CLUH: variants seen among roughly 807,000 people sequenced by gnomAD.
CLUH encodes clustered mitochondria protein homolog.
Under a neutral mutation model 139.3 loss-of-function variants are expected in CLUH, and 77 were observed. That is an observed-to-expected ratio of 0.55 (90% confidence interval 0.46 to 0.67). The LOEUF (loss-of-function observed/expected upper bound fraction) is 0.67. CLUH is among the 30% of genes least tolerant of loss of function. The pLI, the probability that CLUH is intolerant of heterozygous loss-of-function variation, is 0.00. For missense variants in CLUH, 1,876 were observed against 1,875.8 expected (o/e 1.00, Z 0.00); for synonymous variants, 999 against 801.6 (o/e 1.25, Z -4.16).
intron 25 of CLUH, among the ~76,000 whole-genome samples, chr17:2,691,288 G>A (rs1347299612): frequency 6.6e-6 from 1 of 151,860 alleles, no homozygotes; most frequent in African/African-American, 2.4e-5. Flanking sequence ...GGCGGGCCGG[G>A]CGCGATGGCT....
At chr17:2,693,141 C>CAATAAAAAAAAAAAAAA (rs1555529823) in intron 19 of CLUH, among the ~76,000 whole-genome samples, 2 of 73,788 alleles carry the variant, frequency 2.7e-5, no homozygotes, top group Non-Finnish European at 4.6e-5. Flanking sequence ...AAAAATGTTA[C>CAATAAAAAAAAAAAAAA]AAAAAAAAAA....
At position 2,700,483 on chromosome 17, in the gene CLUH, A is replaced by C. The variant is rs2070137897; in HGVS notation, c.1174-9T>G. On this transcript the variant is annotated splice_polypyrimidine_tract_variant and intron_variant, in intron 8 of 25. Coordinates refer to ENST00000651024, the MANE Select transcript of CLUH (RefSeq NM_001366661.1). ...TCATTCCAGTCTCGGGTCTGCAGAG[A>C]GATCAGGGAGGGAAAAACGAGCTCA... 1 of 1,608,658 alleles carries C rather than the reference A, an allele frequency of 6.2e-7. No individual in the cohort carries two copies. The highest frequency in any genetic ancestry group is 1.7e-5 in the Admixed American group (1 of 59,584).
chr17:2,689,702 T>C lies in CLUH; in HGVS notation c.*892A>G, dbSNP rs1257450895. On this transcript the variant is annotated 3_prime_UTR_variant, in exon 26 of 26. Transcript: ENST00000651024. ...GCCCCCGCCACCCCCAGAGCTAGTC[T>C]CAGACCAGGAAGGGAGCTGGGCACC... is the stretch of plus-strand genomic sequence containing the variant. The C allele has an allele frequency of 6.6e-6, 1 of 152,412 alleles. No homozygotes were observed. Among genetic ancestry groups the C allele is most frequent in the African/African-American group, 2.4e-5 (1 of 41,336 alleles). The allele number at this position is 152,412 out of a possible 1,614,324, so 9.4% of individuals were successfully genotyped here.
chr17:2,693,492 G>C (rs985909306), intron 19 of CLUH, among the ~76,000 whole-genome samples: 1 of 150,698 alleles, frequency 6.6e-6, no homozygotes, highest in African/African-American at 2.4e-5. Context: ...TGCTAACCCT[G>C]AAACAGCCCT....
At chr17:2,694,753 C>G in intron 16 of CLUH, 104 bp downstream of exon 16, 3 of 1,418,776 alleles carry the variant, frequency 2.1e-6, no homozygotes, top group Non-Finnish European at 2.8e-6. Flanking sequence ...TTCTCTCTGA[C>G]TCCCTGGCCT....
rs886457682 is a variant in CLUH at position 2,703,781 on chromosome 17, A to G, written c.304-292T>C. 2.0e-5 allele frequency among the ~76,000 whole-genome samples: 3 copies of G among 151,898 alleles called. No individual in the cohort carries two copies. Among genetic ancestry groups the G allele is most frequent in the Non-Finnish European group, 4.4e-5 (3 of 67,968 alleles). ...GACCCAGAGCAATGCCCGAGCAGAG[A>G]AGGGAGATGAAGAACAGCGGGACAG... On this transcript the variant is annotated intron_variant, in intron 2 of 25. Transcript: ENST00000651024. This position sits in a 1 kb window ranked among gnomAD's most constrained non-coding sequence, Gnocchi z 4.2.
chr17:2,693,036 G>A (rs1490518997), intron 19 of CLUH, 176 bp from the exon 20 acceptor site: 2 of 498,154 alleles, frequency 4.0e-6, no homozygotes, highest in East Asian at 3.3e-5. Flanking sequence ...GCCACACCTT[G>A]AAGGGCAGGT....
chr17:2,696,769 A>G lies in CLUH; in HGVS notation c.2135T>C (p.Leu712Pro). ...SEEEGSSASG[L>P]AKVKELAETI... is the part of the protein sequence containing the mutation. Reference sequence around the variant, plus strand: ...CTCTGCCAGCTCCTTCACCTTGGCCAGGCCGCTGGCGCTGCTACCCTCCTC... The same window carrying G: ...CTCTGCCAGCTCCTTCACCTTGGCCGGGCCGCTGGCGCTGCTACCCTCCTC... Residue 712 changes from leucine to proline, a missense_variant, in exon 11 of 26, where the codon CTG becomes CCG. By Grantham distance (98) the Leu-to-Pro change is moderately conservative (BLOSUM62 -3). This residue lies in a region of CLUH where 1,454 missense variants were observed against 1,384.4 expected (regional missense o/e 1.05). Transcript: ENST00000651024. 6.2e-7 allele frequency: 1 copy of G among 1,612,800 alleles called. No homozygotes were observed. Among genetic ancestry groups the G allele is most frequent in the Middle Eastern group, 1.9e-4 (1 of 5,398 alleles).
intron 9 of CLUH, 24 bp downstream of exon 9, chr17:2,700,358 C>G (rs2070130652): frequency 6.2e-7 from 1 of 1,601,070 alleles, no homozygotes; most frequent in South Asian, 1.1e-5. Context: ...CCTCAGACTG[C>G]CGGTCAGCAG....
Position 2,696,491 on chromosome 17 carries a change from C to T in CLUH, c.2233G>A (p.Gly745Ser), listed in dbSNP as rs745874735. ...TCGAAGGCGGTGCTGCTGATGGAGC[C>T]GACCGCCTTGCACGCGTTGCGGATC... is the stretch of plus-strand genomic sequence containing the variant. ...EVIRNACKAV[G>S]SISSTAFDIR... Residue 745 changes from glycine to serine, a missense_variant, in exon 12 of 26, where the codon GGC becomes AGC. This residue lies in a region of CLUH where 1,454 missense variants were observed against 1,384.4 expected (regional missense o/e 1.05). Coordinates refer to ENST00000651024, the MANE Select transcript of CLUH (RefSeq NM_001366661.1). 2.3e-5 allele frequency: 36 copies of T among 1,592,540 alleles called. No individual in the cohort carries two copies. The highest frequency in any genetic ancestry group is 3.0e-5 in the Non-Finnish European group (35 of 1,171,790).
At chr17:2,697,209 C>A (rs999009579) in intron 10 of CLUH, among the ~76,000 whole-genome samples, 1 of 152,032 alleles carries the variant, frequency 6.6e-6, no homozygotes, top group Non-Finnish European at 1.5e-5. Context: ...ACCAGCCTGA[C>A]CACCATGGAG....
At chr17:2,691,950 CGCCCCGCCACGCCCCCG>C in intron 23 of CLUH, 37 bp downstream of exon 23, 1 of 1,097,296 alleles carries the variant, frequency 9.1e-7, no homozygotes, top group East Asian at 4.3e-5. Context: ...GCCCCGCCCC[CGCCCCGCCACGCCCCCG>C]CCCCGCCCCC....
At position 2,698,401 on chromosome 17, in the gene CLUH, C is replaced by A; in HGVS notation, c.1456G>T (p.Ala486Ser). The A allele has an allele frequency of 6.2e-7, 1 of 1,613,268 alleles. No individual in the cohort carries two copies. Among genetic ancestry groups the A allele is most frequent in the Non-Finnish European group, 8.5e-7 (1 of 1,179,758 alleles). The change falls in exon 10 of 26, where the codon GCG becomes TCG. Residue 486 changes from alanine (A) to serine (S), a missense_variant. This residue lies in a region of CLUH where 1,454 missense variants were observed against 1,384.4 expected (regional missense o/e 1.05). Transcript: ENST00000651024. Reference protein sequence around the residue: ...DFGGDVAAYVAPTNDLNGVRT... With the variant: ...DFGGDVAAYVSPTNDLNGVRT... ...ACGCCATTCAGGTCGTTGGTGGGCG[C>A]CACGTAGGCCGCCACGTCCCCCCCG...
rs971128763 is a variant in CLUH at position 2,707,950 on chromosome 17, G to A, written c.101-3386C>T. On this transcript the variant is annotated intron_variant, in intron 1 of 25. Coordinates refer to ENST00000651024, the MANE Select transcript of CLUH (RefSeq NM_001366661.1). This position sits in a 1 kb window ranked among gnomAD's most constrained non-coding sequence, Gnocchi z 7.4. ...CTGCACCCGTGCCCCTGGCCTCCAG[G>A]CTCCATCAAGAAGCTGGCAGGCTCC... is the stretch of plus-strand genomic sequence containing the variant. 69 of 985,296 alleles carry A rather than the reference G, an allele frequency of 7.0e-5. No individual in the cohort carries two copies. The African/African-American group carries it at 1.1e-3, about 16-fold the overall frequency. 61.0% of individuals were successfully genotyped at this position (985,296 alleles called of 1,614,324 possible).
At position 2,704,874 on chromosome 17, in the gene CLUH, C is replaced by T. The variant is rs144841545; in HGVS notation, c.101-310G>A. ...CCGAGGGTCTCCTCCGGCCCTAACA[C>T]ACCTAGCTTCCCAGCAGCAGTTCCC... On this transcript the variant is annotated intron_variant, in intron 1 of 25. Coordinates refer to ENST00000651024, the MANE Select transcript of CLUH (RefSeq NM_001366661.1). The surrounding 1 kb of genome is among the most constrained non-coding windows in gnomAD (Gnocchi z 5.7). Among the ~76,000 whole-genome samples the T allele has an allele frequency of 4.5e-4, 68 of 152,282 alleles. 1 individual carries two copies. In the Middle Eastern group the frequency reaches 0.01, roughly 23 times the overall value.
intron 16 of CLUH, 123 bp downstream of exon 16, chr17:2,694,734 T>C: frequency 2.2e-6 from 3 of 1,386,840 alleles, no homozygotes; most frequent in Non-Finnish European, 2.9e-6. Flanking sequence ...TCTCCACAGC[T>C]GCTCCCTCTT....
chr17:2,694,300 A>G, intron 17 of CLUH, 24 bp from the exon 18 acceptor site: 1 of 1,565,118 alleles, frequency 6.4e-7, no homozygotes, highest in South Asian at 1.2e-5. Context: ...CCCCCACCAC[A>G]GGAAGCCTCA....
chr17:2,696,426 C>T lies in CLUH; in HGVS notation c.2290+8G>A, dbSNP rs1427133817. On this transcript the variant is annotated splice_region_variant and intron_variant, in intron 12 of 25. Coordinates refer to ENST00000651024, the MANE Select transcript of CLUH (RefSeq NM_001366661.1). ...GGGCTCCTGCGCTGGCCGGCCCCCA[C>T]CACCTGCCTGGTGAGAAGATGTCAG... 2 of 1,577,324 alleles carry T rather than the reference C, an allele frequency of 1.3e-6. No homozygotes were observed. Among genetic ancestry groups the T allele is most frequent in the Non-Finnish European group, 1.7e-6 (2 of 1,163,044 alleles).
chr17:2,709,264 G>A (rs1000688344), intron 1 of CLUH, among the ~76,000 whole-genome samples: 3 of 152,116 alleles, frequency 2.0e-5, no homozygotes, highest in African/African-American at 7.2e-5. Context: ...AGGAAGTAGG[G>A]TCCGAAAAGG....
Sources: gnomAD v4.1 joint callset for allele counts (sites outside exome capture counted in the v4.1 genomes callset) on GRCh38, gnomAD v4.1.1 for gene constraint, gnomAD v4.1.1 regional missense constraint, Gnocchi (gnomAD v3.1) non-coding constraint, MANE v1.5 for transcripts, NCBI Gene and HGNC (gene_info 2026-07-23, HGNC 2026-07-21) for gene names.